ZBTB43: variants seen among roughly 807,000 people sequenced by gnomAD.
ZBTB43 encodes the protein zinc finger and BTB domain-containing protein 43.
Under a neutral mutation model 31.1 loss-of-function variants are expected in ZBTB43, and 6 were observed. That is an observed-to-expected ratio of 0.19 (90% CI 0.11 to 0.38). The LOEUF (loss-of-function observed/expected upper bound fraction) is 0.38. ZBTB43 is among the 10% of genes least tolerant of loss of function. The pLI, the probability that ZBTB43 is intolerant of heterozygous loss-of-function variation, is 1.00. For synonymous variants in ZBTB43, 212 were observed against 221.7 expected (o/e 0.96, Z 0.39); for missense variants, 379 against 602.1 (o/e 0.63, Z 3.88).
chr9:126,832,781 G>A lies in ZBTB43; in HGVS notation c.272G>A (p.Gly91Glu). The A allele has an allele frequency of 6.2e-7, 1 of 1,614,136 alleles. No homozygotes were observed. Among genetic ancestry groups the A allele is most frequent in the Non-Finnish European group, 8.5e-7 (1 of 1,180,032 alleles). Residue 91 changes from glycine (G) to glutamate (E), a missense_variant, in exon 3 of 3, where the codon GGA (glycine) becomes GAA (glutamate). By Grantham distance (98) the Gly-to-Glu change is moderately conservative. Around this residue, in one of 5 missense-constraint regions of ZBTB43, gnomAD observed 79 missense variants for 134.4 expected, o/e 0.59. Transcript: ENST00000373464. ...FENILLSSYTGRLVMPAPEIV... is the reference protein window; with the variant it reads ...FENILLSSYTERLVMPAPEIV... ...AACATTCTCCTATCTAGTTATACAG[G>A]ACGTCTAGTAATGCCCGCTCCAGAA... is the stretch of plus-strand genomic sequence containing the variant.
chr9:126,807,659 G>A (rs1043685013), intron 1 of ZBTB43, among the ~76,000 whole-genome samples: 8 of 151,560 alleles, frequency 5.3e-5, no homozygotes, highest in Non-Finnish European at 2.9e-5. Context: ...TTTTTGAGAT[G>A]GAGTCTCGCC....
chr9:126,822,996 A>G (rs1381971685), intron 2 of ZBTB43, among the ~76,000 whole-genome samples: 2 of 151,930 alleles, frequency 1.3e-5, no homozygotes, highest in African/African-American at 4.8e-5. Flanking sequence ...CATTACTTTT[A>G]TATGCACTGG....
chr9:126,825,583 T>A (rs1188322548), intron 2 of ZBTB43, among the ~76,000 whole-genome samples: 2 of 152,156 alleles, frequency 1.3e-5, no homozygotes, highest in Admixed American at 6.6e-5. Context: ...TTCGTGGTTG[T>A]GCATCCCTAG....
intron 2 of ZBTB43, among the ~76,000 whole-genome samples, chr9:126,829,226 G>C (rs1235075635): frequency 6.6e-6 from 1 of 152,144 alleles, no homozygotes; most frequent in African/African-American, 2.4e-5. Flanking sequence ...TGAGGCAGAA[G>C]GATTGCTTGA....
rs1554742744 is a variant in ZBTB43, at chr9:126,828,654, A to AATAATTATTATTATT, written c.-23-3831_-23-3830insAATTATTATTATTAT. On this transcript the variant is annotated intron_variant, in intron 2 of 2. Coordinates refer to ENST00000373464, the MANE Select transcript of ZBTB43 (RefSeq NM_014007.4). ...AAATAATAATAATAATAATAATAAT[A>AATAATTATTATTATT]ATTATTATTATTATTATTATTATTT... is the stretch of plus-strand genomic sequence containing the variant. 2.2e-3 allele frequency among the ~76,000 whole-genome samples: 281 copies of AATAATTATTATTATT among 127,704 alleles called. 2 individuals are homozygous for AATAATTATTATTATT. Among genetic ancestry groups the AATAATTATTATTATT allele is most frequent in the African/African-American group, 8.4e-3 (268 of 31,882 alleles). The allele number at this position is 127,704 out of a possible 152,430, so 83.8% of individuals were successfully genotyped here. A position where few individuals can be genotyped will look rare whatever the true frequency, so the allele number is the denominator to read the frequency against.
At chr9:126,814,794 A>ATAAG (rs2032338166) in intron 2 of ZBTB43, among the ~76,000 whole-genome samples, 1 of 152,218 alleles carries the variant, frequency 6.6e-6, no homozygotes, top group East Asian at 1.9e-4. Flanking sequence ...CTCTGTCTAA[A>ATAAG]AAAGAAAGAA....
chr9:126,823,320 A>G (rs1355478938), intron 2 of ZBTB43, among the ~76,000 whole-genome samples: 2 of 152,156 alleles, frequency 1.3e-5, no homozygotes, highest in Non-Finnish European at 2.9e-5. Flanking sequence ...TATAATTGTT[A>G]TATTTTCTTG....
chr9:126,833,484 T>C lies in ZBTB43; in HGVS notation c.975T>C (p.Phe325=), dbSNP rs2032814785. 6.2e-7 allele frequency: 1 copy of C among 1,614,078 alleles called. No individual in the cohort carries two copies. Among genetic ancestry groups the C allele is most frequent in the African/African-American group, 1.3e-5 (1 of 74,942 alleles). The change falls in exon 3 of 3, where the codon TTT becomes TTC. Residue 325 remains phenylalanine (F), a synonymous_variant. Coordinates refer to ENST00000373464, the MANE Select transcript of ZBTB43 (RefSeq NM_014007.4). The surrounding 1 kb of genome is among the most constrained non-coding windows in gnomAD (Gnocchi z 7.9). Reference sequence around the variant, plus strand: ...TCTATGGCTCTTCCATGGAAGAGTTTTCCGGAGAGAGGTCAGATGGGAATC... The same window carrying C: ...TCTATGGCTCTTCCATGGAAGAGTTCTCCGGAGAGAGGTCAGATGGGAATC... ...VDFYGSSMEE[F]SGERSDGNLI...
At chr9:126,814,304 A>T (rs2032317216) in intron 2 of ZBTB43, among the ~76,000 whole-genome samples, 2 of 151,756 alleles carry the variant, frequency 1.3e-5, no homozygotes, top group African/African-American at 2.4e-5. Flanking sequence ...AAATTTTTAC[A>T]GATGAAATTT....
intron 1 of ZBTB43, among the ~76,000 whole-genome samples, chr9:126,807,753 A>G (rs1471146141): frequency 6.6e-6 from 1 of 152,020 alleles, no homozygotes; most frequent in Non-Finnish European, 1.5e-5. Flanking sequence ...CTCCTGCTTC[A>G]ACCTCCCGAG....
chr9:126,813,757 G>A (rs752206518), intron 2 of ZBTB43, among the ~76,000 whole-genome samples: 6 of 152,124 alleles, frequency 3.9e-5, no homozygotes, highest in Non-Finnish European at 5.9e-5. Flanking sequence ...TTGGCTTGTA[G>A]GGTTTTTTTT....
rs112747319 is a variant in ZBTB43 at position 126,805,093 on chromosome 9, A to C, written c.-186A>C. 6.6e-6 allele frequency: 1 copy of C among 152,386 alleles called. No homozygotes were observed. 9.4% of individuals were successfully genotyped at this position (152,386 alleles called of 1,614,324 possible). ...CAGGCCTGCGCCGGCGGCAGAGAGG[A>C]TATCTTGGGCGGGGGATGTGAGCGC... On this transcript the variant is annotated 5_prime_UTR_variant, in exon 1 of 3. Coordinates refer to ENST00000373464, the MANE Select transcript of ZBTB43 (RefSeq NM_014007.4).
intron 2 of ZBTB43, among the ~76,000 whole-genome samples, chr9:126,827,357 T>C (rs1176643413): frequency 2.6e-5 from 4 of 152,176 alleles, no homozygotes; most frequent in African/African-American, 9.7e-5. Context: ...CAAGCGCACA[T>C]TTTTGGAGGA....
At chr9:126,809,085 A>C (rs929319224) in intron 2 of ZBTB43, among the ~76,000 whole-genome samples, 170 bp downstream of exon 2, 2 of 152,236 alleles carry the variant, frequency 1.3e-5, no homozygotes, top group South Asian at 4.1e-4. Context: ...CATCAATGCC[A>C]TACTTTGCAC....
chr9:126,816,979 G>A (rs551031793), intron 2 of ZBTB43, among the ~76,000 whole-genome samples: 2 of 152,084 alleles, frequency 1.3e-5, no homozygotes, highest in African/African-American at 4.8e-5. Context: ...GTCTGTCCTT[G>A]GCTTTTAGCT....
chr9:126,819,932 C>T (rs771648522), intron 2 of ZBTB43, among the ~76,000 whole-genome samples: 21 of 152,260 alleles, frequency 1.4e-4, no homozygotes, highest in African/African-American at 4.8e-4. Flanking sequence ...TCATACCAAC[C>T]ACAACATTCC....
chr9:126,828,639 A>T (rs1480564888), intron 2 of ZBTB43, among the ~76,000 whole-genome samples: 6 of 126,934 alleles, frequency 4.7e-5, no homozygotes, highest in African/African-American at 2.0e-4. Flanking sequence ...AAATAATAAT[A>T]ATAATAATAA....
chr9:126,823,216 C>T (rs1422036166), intron 2 of ZBTB43, among the ~76,000 whole-genome samples: 1 of 152,108 alleles, frequency 6.6e-6, no homozygotes, highest in African/African-American at 2.4e-5. Context: ...TTGGAGTCTC[C>T]ACCTATTATT....
intron 2 of ZBTB43, 72 bp from the exon 3 acceptor site, chr9:126,832,415 A>C: frequency 7.1e-7 from 1 of 1,402,182 alleles, no homozygotes; most frequent in African/African-American, 1.4e-5. Context: ...AACTTGTCTT[A>C]ACAATGGAGG....
Sources: allele counts gnomAD v4.1 joint callset (sites outside exome capture counted in the v4.1 genomes callset), GRCh38; gene constraint gnomAD v4.1.1; regional missense constraint gnomAD v4.1.1; non-coding constraint Gnocchi (gnomAD v3.1); transcripts MANE v1.5; gene names NCBI Gene and HGNC (gene_info 2026-07-23, HGNC 2026-07-21).